TMEM232: variants seen among roughly 807,000 people sequenced by gnomAD.
The protein encoded by TMEM232 is transmembrane protein 232.
TMEM232 carries 80 observed loss-of-function variants against 78.8 expected under a neutral mutation model. The observed-to-expected ratio is 1.01, with a 90% CI of 0.85 to 1.22. TMEM232 has a LOEUF of 1.22. TMEM232 is among the 50% of genes most tolerant of loss of function. The probability of loss-of-function intolerance (pLI) is 0.00; values close to 1 mark genes in which losing one functional copy is unlikely to be tolerated. For missense variants in TMEM232, 881 were observed against 742.2 expected (o/e 1.19, Z -2.17); for synonymous variants, 297 against 254.3 (o/e 1.17, Z -1.60).
intron 11 of TMEM232, among the ~76,000 whole-genome samples, chr5:110,563,381 A>G (rs1775973360): frequency 6.6e-6 from 1 of 151,972 alleles, no homozygotes; most frequent in East Asian, 1.9e-4. Flanking sequence ...AAAATGGCAT[A>G]TAAATAGAAT....
intron 12 of TMEM232, among the ~76,000 whole-genome samples, chr5:110,503,775 T>A (rs1330690676): frequency 6.6e-6 from 1 of 152,204 alleles, no homozygotes; most frequent in South Asian, 2.1e-4. Flanking sequence ...TTGTAGTAAA[T>A]GTTTCTCCTT....
At chr5:110,446,324 AAAATG>A (rs1455346392) in intron 12 of TMEM232, among the ~76,000 whole-genome samples, 1 of 152,176 alleles carries the variant, frequency 6.6e-6, no homozygotes, top group Non-Finnish European at 1.5e-5. Context: ...TTTAAGTAGT[AAAATG>A]AAATGATCAG....
At chr5:110,689,624 G>C (rs72773160) in intron 1 of TMEM232, among the ~76,000 whole-genome samples, 12,971 of 152,038 alleles carry the variant, frequency 0.085, 580 homozygotes, top group Admixed American at 0.12. Flanking sequence ...ACAGAATTAG[G>C]AGAAAACTTC....
At chr5:110,403,396 C>T (rs1189091596) in intron 2 of TMEM232, among the ~76,000 whole-genome samples, 2 of 152,124 alleles carry the variant, frequency 1.3e-5, no homozygotes, top group Middle Eastern at 3.4e-3. Context: ...CATTCATTTC[C>T]CCTTTAGAGT....
At chr5:110,668,575 T>A (rs889228057) in intron 1 of TMEM232, among the ~76,000 whole-genome samples, 7 of 152,150 alleles carry the variant, frequency 4.6e-5, no homozygotes, top group South Asian at 2.1e-4. Context: ...TCTATTGCTA[T>A]TGATGTATAG....
At chr5:110,427,221 TTTAA>T (rs1235194135) in intron 12 of TMEM232, among the ~76,000 whole-genome samples, 1 of 151,978 alleles carries the variant, frequency 6.6e-6, no homozygotes, top group African/African-American at 2.4e-5. Context: ...CTTAGTGTTA[TTTAA>T]TCCCTCTGTT....
intron 12 of TMEM232, among the ~76,000 whole-genome samples, chr5:110,499,166 G>C (rs1765935971): frequency 6.6e-6 from 1 of 152,158 alleles, no homozygotes; most frequent in Admixed American, 6.6e-5. Context: ...GGGATGAAGA[G>C]ATGCAACACA....
intron 1 of TMEM232, among the ~76,000 whole-genome samples, chr5:110,691,257 C>G (rs1242194289): frequency 6.6e-6 from 1 of 151,892 alleles, no homozygotes; most frequent in East Asian, 1.9e-4. Flanking sequence ...CACTTATTTA[C>G]TAATTTATTC....
At chr5:110,509,045 T>A (rs1767368912) in intron 12 of TMEM232, among the ~76,000 whole-genome samples, 1 of 146,426 alleles carries the variant, frequency 6.8e-6, no homozygotes, top group Non-Finnish European at 1.5e-5. Context: ...CACACATATA[T>A]GTGTATATAT....
chr5:110,589,609 CT>C (rs1254482820), intron 10 of TMEM232, among the ~76,000 whole-genome samples: 1 of 152,062 alleles, frequency 6.6e-6, no homozygotes, highest in African/African-American at 2.4e-5. Context: ...AATTATACTT[CT>C]TTGGACAAAT....
intron 12 of TMEM232, among the ~76,000 whole-genome samples, chr5:110,489,378 A>G (rs1764791490): frequency 1.3e-5 from 2 of 152,098 alleles, no homozygotes; most frequent in South Asian, 2.1e-4. Flanking sequence ...AATTAATGTA[A>G]TAAAACATAC....
intron 10 of TMEM232, among the ~76,000 whole-genome samples, chr5:110,574,087 C>T (rs1401210258): frequency 2.0e-5 from 3 of 151,942 alleles, no homozygotes; most frequent in African/African-American, 7.2e-5. Context: ...TAGTCAACAA[C>T]TCATTCCTCT....
chr5:110,618,654 A>G, intron 7 of TMEM232, 92 bp from the exon 8 acceptor site: 1 of 1,273,378 alleles, frequency 7.9e-7, no homozygotes, highest in South Asian at 1.6e-5. Flanking sequence ...TAAATTTTAA[A>G]TATACAAATG....
chr5:110,458,861 C>T (rs1364291809), intron 12 of TMEM232, among the ~76,000 whole-genome samples: 1 of 152,128 alleles, frequency 6.6e-6, no homozygotes, highest in East Asian at 1.9e-4. Flanking sequence ...ATATAAAATA[C>T]TCCACATAAA....
intron 10 of TMEM232, among the ~76,000 whole-genome samples, chr5:110,578,199 G>A (rs1433468269): frequency 6.6e-6 from 1 of 151,770 alleles, no homozygotes; most frequent in Non-Finnish European, 1.5e-5. Flanking sequence ...TCAGACTTCT[G>A]ACTTTTGGAT....
At chr5:110,395,810 A>ACTT (rs1385995277) in intron 3 of TMEM232, among the ~76,000 whole-genome samples, 1 of 152,160 alleles carries the variant, frequency 6.6e-6, no homozygotes, top group Admixed American at 6.6e-5. Context: ...TGTCTGTGCA[A>ACTT]CTTCCGCAAA....
chr5:110,389,215 C>G (rs201780813), intron 4 of TMEM232, among the ~76,000 whole-genome samples: 3 of 152,040 alleles, frequency 2.0e-5, no homozygotes, highest in Non-Finnish European at 4.4e-5. Flanking sequence ...GAGCCGAGAT[C>G]GCACTACTGC....
intron 1 of TMEM232, among the ~76,000 whole-genome samples, chr5:110,707,642 G>C (rs994496651): frequency 1.2e-4 from 19 of 152,200 alleles, no homozygotes; most frequent in Non-Finnish European, 2.8e-4. Flanking sequence ...AGAGCCAGTG[G>C]ACTAGAGTGG....
At chr5:110,714,289 A>G (rs1296628359) in intron 1 of TMEM232, among the ~76,000 whole-genome samples, 1 of 152,210 alleles carries the variant, frequency 6.6e-6, no homozygotes, top group Admixed American at 6.5e-5. Context: ...TCCAGAGACT[A>G]GGACACCTAT....
Sources: allele counts gnomAD v4.1 joint callset (sites outside exome capture counted in the v4.1 genomes callset), GRCh38; gene constraint gnomAD v4.1.1; transcripts MANE v1.5; gene names NCBI Gene and HGNC (gene_info 2026-07-23, HGNC 2026-07-21).